The following GLI2 variants were observed in gnomAD, a reference collection of about 807,000 sequenced individuals.
The protein encoded by GLI2 is GLI family zinc finger 2.
A neutral mutation model predicts 78.9 loss-of-function variants in GLI2; 22 were observed. That is an observed-to-expected ratio of 0.28 (90% CI 0.20 to 0.40). The LOEUF (loss-of-function observed/expected upper bound fraction) is 0.40, where lower values mean the gene tolerates loss of function less well. Among genes scored for constraint, GLI2 ranks in the 10% least tolerant of loss-of-function variants. The probability of loss-of-function intolerance (pLI) is 1.00; values close to 1 mark genes in which losing one functional copy is unlikely to be tolerated. For synonymous variants in GLI2, 974 were observed against 963.7 expected (o/e 1.01, Z -0.20); for missense variants, 2,097 against 2,213.2 (o/e 0.95, Z 1.05).
rs868067008 is a variant in GLI2, at chr2:120,876,203, G to A, written c.149-51158G>A. On this transcript the variant is annotated intron_variant, in intron 2 of 13. Coordinates refer to ENST00000361492, the MANE Select transcript of GLI2 (RefSeq NM_001374353.1). ...AAAAATACAAAAAACTTAGCCGGGC[G>A]TGGTGGCGGGTGCCTGTAGTCCCAG... Among the ~76,000 whole-genome samples the A allele has an allele frequency of 4.6e-5, 7 of 152,158 alleles. No homozygotes were observed. In the South Asian group the frequency reaches 8.3e-4, roughly 18 times the overall value.
intron 2 of GLI2, among the ~76,000 whole-genome samples, chr2:120,837,638 A>G (rs886476622): frequency 6.6e-6 from 1 of 152,210 alleles, no homozygotes; most frequent in Non-Finnish European, 1.5e-5. Flanking sequence ...TTGTGCATTT[A>G]CATGTAGCTT....
intron 2 of GLI2, among the ~76,000 whole-genome samples, chr2:120,826,656 G>C (rs1028881812): frequency 6.6e-6 from 1 of 152,342 alleles, no homozygotes; most frequent in East Asian, 1.9e-4. Context: ...TTAGGGACCT[G>C]AGTTTCAGAG....
chr2:120,786,987 T>C (rs1684015076), intron 1 of GLI2, among the ~76,000 whole-genome samples: 1 of 152,184 alleles, frequency 6.6e-6, no homozygotes, highest in Non-Finnish European at 1.5e-5. Context: ...TCTGAGTCAG[T>C]CAACAAACAT....
Position 120,928,878 on chromosome 2 carries a change from C to G in GLI2, c.254+1412C>G, listed in dbSNP as rs57719675. 7.9e-5 allele frequency among the ~76,000 whole-genome samples: 12 copies of G among 152,324 alleles called. No individual in the cohort carries two copies. The East Asian group carries it at 1.2e-3, about 15-fold the overall frequency. On this transcript the variant is annotated intron_variant, in intron 3 of 13. Transcript: ENST00000361492. ...TCAAATGTGGGCATCTTACATAACC[C>G]AAGACTGACAGAATGCTCTTCACTC...
rs542716053 is a variant in GLI2 at position 120,876,021 on chromosome 2, T to C, written c.149-51340T>C. ...GACAATTGGTTATGGAGGGGAAAAG[T>C]TAAAGCCATGCCAAATGCTCCTTAC... On this transcript the variant is annotated intron_variant, in intron 2 of 13. Coordinates refer to ENST00000361492, the MANE Select transcript of GLI2 (RefSeq NM_001374353.1). Among the ~76,000 whole-genome samples the C allele has an allele frequency of 6.6e-5, 10 of 152,244 alleles. No individual in the cohort carries two copies. The South Asian group carries it at 2.1e-3, about 32-fold the overall frequency.
At chr2:120,946,660 C>T (rs1242408746) in intron 3 of GLI2, among the ~76,000 whole-genome samples, 1 of 152,222 alleles carries the variant, frequency 6.6e-6, no homozygotes, top group Non-Finnish European at 1.5e-5. Flanking sequence ...GTGGTTCAGA[C>T]TTCACCAGTA....
intron 2 of GLI2, among the ~76,000 whole-genome samples, chr2:120,924,628 T>C (rs1679570980): frequency 6.6e-6 from 1 of 152,226 alleles, no homozygotes; most frequent in Non-Finnish European, 1.5e-5. Flanking sequence ...TGCCATGTTT[T>C]TAAGGCCCTT....
intron 2 of GLI2, among the ~76,000 whole-genome samples, chr2:120,799,208 G>A (rs1028627245): frequency 4.6e-5 from 7 of 152,176 alleles, no homozygotes; most frequent in African/African-American, 1.4e-4. Flanking sequence ...GAGGCCCAAA[G>A]TTTGGAGTAC....
chr2:120,961,070 TG>T (rs1257386730), intron 5 of GLI2, among the ~76,000 whole-genome samples: 1 of 152,178 alleles, frequency 6.6e-6, no homozygotes, highest in East Asian at 1.9e-4. Flanking sequence ...TGTTGAATAT[TG>T]GTGATTTAAC....
intron 3 of GLI2, among the ~76,000 whole-genome samples, chr2:120,950,307 A>G (rs1455967975): frequency 6.6e-6 from 1 of 152,248 alleles, no homozygotes; most frequent in East Asian, 1.9e-4. Context: ...ATCTTGGTAA[A>G]TGTGGTTCCT....
In GLI2 at chr2:120,781,243, G is replaced by A. The variant is rs1404623015; in HGVS notation, c.-30-16048G>A. On this transcript the variant is annotated intron_variant, in intron 1 of 13. Coordinates refer to ENST00000361492, the MANE Select transcript of GLI2 (RefSeq NM_001374353.1). ...CACTGAGGGCCAGTCCTTTGAGTGC[G>A]GGGGGATGAGGAGAAATGGCCTCTG... Among the ~76,000 whole-genome samples the A allele has an allele frequency of 3.9e-5, 6 of 152,258 alleles. No individual in the cohort carries two copies. The East Asian group carries it at 9.7e-4, about 25-fold the overall frequency.
chr2:120,848,862 G>A (rs1269724810), intron 2 of GLI2, among the ~76,000 whole-genome samples: 6 of 152,216 alleles, frequency 3.9e-5, no homozygotes, highest in African/African-American at 4.8e-5. Flanking sequence ...AGAGCGGAGC[G>A]GCACTCCTGC....
At chr2:120,894,157 G>C (rs998196100) in intron 2 of GLI2, among the ~76,000 whole-genome samples, 1 of 152,190 alleles carries the variant, frequency 6.6e-6, no homozygotes, top group Admixed American at 6.5e-5. Flanking sequence ...CTGACTTTCC[G>C]GAAAGGCCCC....
At chr2:120,803,748 G>A (rs966046044) in intron 2 of GLI2, among the ~76,000 whole-genome samples, 2 of 152,200 alleles carry the variant, frequency 1.3e-5, no homozygotes, top group African/African-American at 2.4e-5. Flanking sequence ...TTAGACTCTC[G>A]TGACAATCAC....
At chr2:120,876,604 G>T (rs763449553) in intron 2 of GLI2, among the ~76,000 whole-genome samples, 1 of 152,004 alleles carries the variant, frequency 6.6e-6, no homozygotes, top group African/African-American at 2.4e-5. Context: ...GAAGGTGGAG[G>T]AGGGGGACTT....
At chr2:120,981,069 C>T (rs113299297) in intron 10 of GLI2, among the ~76,000 whole-genome samples, 42,466 of 151,872 alleles carry the variant, frequency 0.28, 6,200 homozygotes, top group East Asian at 0.49. Flanking sequence ...TTAGTAGAGA[C>T]GGGGTTTCAC....
At chr2:120,887,190 C>G (rs1255039645) in intron 2 of GLI2, among the ~76,000 whole-genome samples, 1 of 152,168 alleles carries the variant, frequency 6.6e-6, no homozygotes, top group Non-Finnish European at 1.5e-5. Flanking sequence ...GTAGATGTCA[C>G]AAGCCACAGA....
rs577702147 is a variant in GLI2, at chr2:120,932,460, T to TCTGCC, written c.254+5002_254+5006dup. Among the ~76,000 whole-genome samples, 490 of 152,254 alleles carry TCTGCC rather than the reference T, an allele frequency of 3.2e-3. 2 individuals carry two copies. Among genetic ancestry groups the TCTGCC allele is most frequent in the African/African-American group, 0.011 (462 of 41,554 alleles). ...AGAGGTGTTCCCTGCACTCTCTCATTCTGCCCTGCCCTCTGCCCCTCCGGA... is the reference window on the plus strand; with the variant it reads ...AGAGGTGTTCCCTGCACTCTCTCATTCTGCCCTGCCCTGCCCTCTGCCCCTCCGGA... On this transcript the variant is annotated intron_variant, in intron 3 of 13. Transcript: ENST00000361492.
intron 2 of GLI2, among the ~76,000 whole-genome samples, chr2:120,916,027 C>A (rs1388152890): frequency 6.6e-6 from 1 of 152,200 alleles, no homozygotes; most frequent in African/African-American, 2.4e-5. Flanking sequence ...AACTATGGAG[C>A]CACAGCAAGT....
Sources: gnomAD v4.1 joint callset for allele counts (sites outside exome capture counted in the v4.1 genomes callset) on GRCh38, gnomAD v4.1.1 for gene constraint, MANE v1.5 for transcripts, NCBI Gene and HGNC (gene_info 2026-07-23, HGNC 2026-07-21) for gene names.